The following PCNT variants were observed in gnomAD, a reference collection of about 807,000 sequenced individuals.
The protein encoded by PCNT is kendrin.
PCNT carries 319 observed loss-of-function variants against 380.4 expected under a neutral mutation model. The observed-to-expected ratio is 0.84, with a 90% confidence interval of 0.77 to 0.92. PCNT has a LOEUF of 0.92. Ranked by LOEUF, PCNT falls within the 40% of genes least tolerant of loss-of-function variation. PCNT has a pLI of 0.00. For missense variants in PCNT, 4,400 were observed against 4,255.3 expected (o/e 1.03, Z -0.95); for synonymous variants, 1,845 against 1,735.2 (o/e 1.06, Z -1.57).
intron 15 of PCNT, among the ~76,000 whole-genome samples, chr21:46,368,210 C>T (rs905704019): frequency 1.3e-5 from 2 of 151,900 alleles, no homozygotes; most frequent in African/African-American, 4.8e-5. Context: ...CTTTGGGAGG[C>T]CAAGGCGGGC....
chr21:46,342,774 C>T (rs2083946450), intron 3 of PCNT, among the ~76,000 whole-genome samples: 1 of 152,176 alleles, frequency 6.6e-6, no homozygotes, highest in African/African-American at 2.4e-5. Flanking sequence ...CGTGATCCGC[C>T]TGCCTCGGCC....
intron 32 of PCNT, among the ~76,000 whole-genome samples, chr21:46,423,638 A>G (rs1477239025): frequency 6.9e-6 from 1 of 144,260 alleles, no homozygotes; most frequent in African/African-American, 2.7e-5. Context: ...TTTAAAAAGA[A>G]AAGCACAAAA....
intron 14 of PCNT, among the ~76,000 whole-genome samples, chr21:46,366,014 G>C (rs1031150553): frequency 6.8e-6 from 1 of 147,904 alleles, no homozygotes; most frequent in Non-Finnish European, 1.5e-5. Flanking sequence ...GTTCACTGCC[G>C]TGGGGTTCTA....
intron 14 of PCNT, among the ~76,000 whole-genome samples, chr21:46,364,752 C>G (rs1001391177): frequency 2.6e-5 from 4 of 152,158 alleles, no homozygotes; most frequent in African/African-American, 9.7e-5. Flanking sequence ...CCCAGCCCTT[C>G]CCCAGCAACC....
At chr21:46,348,373 G>C (rs2084146937) in intron 6 of PCNT, 1 of 167,596 alleles carries the variant, frequency 6.0e-6, no homozygotes, top group Admixed American at 6.1e-5. Flanking sequence ...TTTTGGGGTG[G>C]ATGGTCCCTG....
intron 13 of PCNT, among the ~76,000 whole-genome samples, 170 bp downstream of exon 13, chr21:46,357,361 A>G (rs1228342280): frequency 6.6e-6 from 1 of 152,218 alleles, no homozygotes; most frequent in Non-Finnish European, 1.5e-5. Flanking sequence ...ATTCCTGGCA[A>G]TGCCAGTAGT....
intron 36 of PCNT, 106 bp downstream of exon 36, chr21:46,430,338 A>AAG: frequency 7.2e-7 from 1 of 1,383,108 alleles, no homozygotes; most frequent in East Asian, 2.5e-5. Context: ...GCAGTTGGGC[A>AAG]GCCCCAGGGG....
intron 32 of PCNT, among the ~76,000 whole-genome samples, chr21:46,424,714 GCCCCCCCCAACCCTGCTC>G (rs2087417332): frequency 1.2e-5 from 1 of 81,058 alleles, no homozygotes; most frequent in South Asian, 4.3e-4. Flanking sequence ...CTCCCACTGC[GCCCCCCCCAACCCTGCTC>G]CCCCAGCCAC....
chr21:46,337,158 G>C (rs992306020), intron 3 of PCNT, among the ~76,000 whole-genome samples: 4 of 151,966 alleles, frequency 2.6e-5, no homozygotes, highest in African/African-American at 9.7e-5. Flanking sequence ...CACCATGCCT[G>C]GCTAATTGGG....
intron 15 of PCNT, among the ~76,000 whole-genome samples, chr21:46,371,898 T>TACACAGCACATGTGCGC (rs1167117924): frequency 3.0e-5 from 4 of 133,212 alleles, no homozygotes; most frequent in African/African-American, 1.2e-4. Flanking sequence ...ACACAGCACA[T>TACACAGCACATGTGCGC]ACACAGCACA....
At chr21:46,442,612 C>A in intron 44 of PCNT, 39 bp downstream of exon 44, 1 of 1,241,580 alleles carries the variant, frequency 8.1e-7, no homozygotes, top group Non-Finnish European at 1.2e-6. Flanking sequence ...GACTCACAAA[C>A]CTTTCTTTCT....
Position 46,392,213 on chromosome 21 carries a change from G to GTTTTGT in PCNT, c.4216+854_4216+859dup, listed in dbSNP as rs1203165275. Among the ~76,000 whole-genome samples, 21 of 151,818 alleles carry GTTTTGT rather than the reference G, an allele frequency of 1.4e-4. No individual in the cohort carries two copies. In the East Asian group the frequency reaches 2.3e-3, roughly 17 times the overall value. ...GTTCGTGTGATTCCTTGTTCCTATG[G>GTTTTGT]TTTTGTTTTTGTTTTTGTTTTTTTT... On this transcript the variant is annotated intron_variant, in intron 21 of 46. Coordinates refer to ENST00000359568, the MANE Select transcript of PCNT (RefSeq NM_006031.6).
Position 46,435,988 on chromosome 21 carries a change from G to C in PCNT, c.8836G>C (p.Glu2946Gln). Reference sequence around the variant, plus strand: ...AGTGAGAGACCTGGAGTCGAAGGACGAGGTGCCTGGCAGCCGCCTCCACCT... The same window carrying C: ...AGTGAGAGACCTGGAGTCGAAGGACCAGGTGCCTGGCAGCCGCCTCCACCT... ...QTVRDLESKD[E>Q]VPGSRLHLGS... is the part of the protein sequence containing the mutation. The change falls in exon 39 of 47, where the codon GAG (glutamate) becomes CAG (glutamine). Residue 2946 changes from glutamate to glutamine, a missense_variant. Glu to Gln is a conservative substitution (Grantham distance 29). Transcript: ENST00000359568. The C allele has an allele frequency of 6.2e-7, 1 of 1,614,156 alleles. No homozygotes were observed. The highest frequency in any genetic ancestry group is 8.5e-7 in the Non-Finnish European group (1 of 1,180,008).
rs147378259 is a variant in PCNT at position 46,389,979 on chromosome 21, T to A, written c.3840+548T>A. On this transcript the variant is annotated intron_variant, in intron 19 of 46. Coordinates refer to ENST00000359568, the MANE Select transcript of PCNT (RefSeq NM_006031.6). ...CTTTGTCTGAATGTGCAGAGATGTC[T>A]TCCGTGGCTGAAATTAGCAGCCACA... 6.8e-4 allele frequency among the ~76,000 whole-genome samples: 103 copies of A among 152,326 alleles called. 1 individual carries two copies. In the East Asian group the frequency reaches 9.9e-3, roughly 15 times the overall value.
At chr21:46,377,270 A>C (rs2085359100) in intron 15 of PCNT, among the ~76,000 whole-genome samples, 1 of 152,234 alleles carries the variant, frequency 6.6e-6, no homozygotes, top group South Asian at 2.1e-4. Flanking sequence ...GGGAGCCGGC[A>C]ATCCACCCCA....
chr21:46,412,051 T>C lies in PCNT; in HGVS notation c.5978T>C (p.Val1993Ala), dbSNP rs2086805472. Residue 1993 changes from valine (V) to alanine (A), a missense_variant, in exon 28 of 47, where the codon GTT becomes GCT. Physicochemically the swap from Val to Ala is moderately conservative, Grantham distance 64. Coordinates refer to ENST00000359568, the MANE Select transcript of PCNT (RefSeq NM_006031.6). ...EASHDAALEPVVPDPQGDLQP... is the reference protein window; with the variant it reads ...EASHDAALEPAVPDPQGDLQP... ...TCCCATGATGCTGCTTTGGAGCCGG[T>C]TGTCCCTGACCCACAGGTGGGCTCC... 1 of 1,607,470 alleles carries C rather than the reference T, an allele frequency of 6.2e-7. No homozygotes were observed. The highest frequency in any genetic ancestry group is 2.2e-5 in the East Asian group (1 of 44,858).
chr21:46,424,914 C>T (rs1240895669), intron 32 of PCNT, among the ~76,000 whole-genome samples: 9 of 152,140 alleles, frequency 5.9e-5, no homozygotes, highest in Admixed American at 5.2e-4. Flanking sequence ...TGGTTTCACA[C>T]TTTAGTGTTA....
intron 3 of PCNT, among the ~76,000 whole-genome samples, chr21:46,336,491 G>A (rs941944036): frequency 6.6e-6 from 1 of 152,178 alleles, no homozygotes; most frequent in Non-Finnish European, 1.5e-5. Flanking sequence ...TTGCAGCTCT[G>A]TCCGTGGGGA....
At position 46,397,276 on chromosome 21, in the gene PCNT, G is replaced by A. The variant is rs1601953241; in HGVS notation, c.4228G>A (p.Glu1410Lys). Residue 1410 changes from glutamate (E) to lysine (K), a missense_variant, in exon 22 of 47, where the codon GAA becomes AAA. Coordinates refer to ENST00000359568, the MANE Select transcript of PCNT (RefSeq NM_006031.6). Reference protein sequence around the residue: ...AEAREAALRKEVEDLTKEQSE... With the variant: ...AEAREAALRKKVEDLTKEQSE... ...GTTTGCATCCTTAGCTCTCCGGAAG[G>A]AAGTGGAGGATCTGACCAAAGAACA... The A allele has an allele frequency of 6.2e-7, 1 of 1,614,060 alleles. No homozygotes were observed. The highest frequency in any genetic ancestry group is 2.2e-5 in the East Asian group (1 of 44,880).
Sources: gnomAD v4.1 joint callset for allele counts (sites outside exome capture counted in the v4.1 genomes callset) on GRCh38, gnomAD v4.1.1 for gene constraint, MANE v1.5 for transcripts, NCBI Gene and HGNC (gene_info 2026-07-23, HGNC 2026-07-21) for gene names.